Variants in FHIT observed in about 807,000 individuals in gnomAD.
The protein encoded by FHIT is fragile histidine triad diadenosine triphosphatase, also known as bis(5'-adenosyl)-triphosphatase.
Under a neutral mutation model 17.9 loss-of-function variants are expected in FHIT, and 19 were observed. The observed-to-expected ratio is 1.06, with a 90% confidence interval of 0.74 to 1.56. The LOEUF is 1.56. Ranked by LOEUF, FHIT falls within the 40% of genes most tolerant of loss-of-function variation. FHIT has a pLI of 0.00. For synonymous variants in FHIT, 81 were observed against 69.7 expected (o/e 1.16, Z -0.81); for missense variants, 248 against 189.2 (o/e 1.31, Z -1.82).
intron 4 of FHIT, among the ~76,000 whole-genome samples, chr3:60,608,145 G>A (rs1410304434): frequency 2.0e-5 from 3 of 152,080 alleles, no homozygotes; most frequent in African/African-American, 7.3e-5. Context: ...CTCACGCAGA[G>A]GACAAGACTC....
intron 5 of FHIT, among the ~76,000 whole-genome samples, chr3:60,535,558 G>T (rs1271903051): frequency 6.6e-6 from 1 of 150,452 alleles, no homozygotes; most frequent in East Asian, 2.0e-4. Flanking sequence ...TAAAAGTGCT[G>T]TTTTCTAGGG....
intron 5 of FHIT, among the ~76,000 whole-genome samples, chr3:60,190,994 A>T (rs1238442260): frequency 1.3e-5 from 2 of 152,184 alleles, no homozygotes; most frequent in African/African-American, 4.8e-5. Flanking sequence ...TGTGACTGGG[A>T]GGCCCTGGGA....
At chr3:60,658,877 C>T (rs2040176364) in intron 4 of FHIT, among the ~76,000 whole-genome samples, 1 of 151,530 alleles carries the variant, frequency 6.6e-6, no homozygotes. Flanking sequence ...ATTCAAGTTA[C>T]TATTAGTGTC....
chr3:60,029,905 G>GTGTGTC (rs1553655776), intron 5 of FHIT, among the ~76,000 whole-genome samples: 5 of 147,350 alleles, frequency 3.4e-5, no homozygotes, highest in African/African-American at 5.1e-5. Flanking sequence ...GTCTGTGTGT[G>GTGTGTC]TGTGTGTGTG....
At chr3:59,938,295 A>T (rs1706342272) in intron 7 of FHIT, among the ~76,000 whole-genome samples, 1 of 152,226 alleles carries the variant, frequency 6.6e-6, no homozygotes, top group African/African-American at 2.4e-5. Flanking sequence ...AATAAACCAG[A>T]CACAGAAAGA....
At chr3:61,243,698 T>C (rs1225794165) in intron 1 of FHIT, among the ~76,000 whole-genome samples, 1 of 152,158 alleles carries the variant, frequency 6.6e-6, no homozygotes, top group Non-Finnish European at 1.5e-5. Context: ...ACAGTTTTAA[T>C]GGGATTATAG....
intron 7 of FHIT, among the ~76,000 whole-genome samples, chr3:59,988,205 T>C (rs761417494): frequency 6.6e-6 from 1 of 152,092 alleles, no homozygotes. Flanking sequence ...CCTTCAGTGC[T>C]GAATATTCCA....
intron 5 of FHIT, among the ~76,000 whole-genome samples, chr3:60,353,105 T>G (rs1699490733): frequency 6.6e-6 from 1 of 152,180 alleles, no homozygotes. Flanking sequence ...CTAAAAAAAT[T>G]TCAAGGTGAT....
intron 5 of FHIT, among the ~76,000 whole-genome samples, chr3:60,368,120 C>G (rs12486822): frequency 0.091 from 13,617 of 150,108 alleles, 897 homozygotes; most frequent in East Asian, 0.26. Context: ...AGCAAAACTT[C>G]TGTGGATACA....
intron 4 of FHIT, among the ~76,000 whole-genome samples, chr3:60,595,195 G>A (rs1416016581): frequency 6.6e-6 from 1 of 152,048 alleles, no homozygotes; most frequent in Non-Finnish European, 1.5e-5. Context: ...AGATTTGGAT[G>A]CAAAGAGAAC....
chr3:60,160,973 T>G (rs1232386113), intron 5 of FHIT, among the ~76,000 whole-genome samples: 1 of 152,182 alleles, frequency 6.6e-6, no homozygotes, highest in Non-Finnish European at 1.5e-5. Flanking sequence ...AAGACGATTA[T>G]GCAATCCATA....
intron 5 of FHIT, among the ~76,000 whole-genome samples, chr3:60,362,014 G>A (rs558855442): frequency 7.9e-5 from 12 of 152,152 alleles, no homozygotes; most frequent in African/African-American, 2.9e-4. Context: ...ACCAAACTGT[G>A]CACACATCTT....
intron 5 of FHIT, among the ~76,000 whole-genome samples, chr3:60,041,477 G>A (rs1222158773): frequency 1.3e-5 from 2 of 152,184 alleles, no homozygotes; most frequent in African/African-American, 4.8e-5. Flanking sequence ...GCCTTTCGAA[G>A]AAATGCTAAG....
intron 3 of FHIT, among the ~76,000 whole-genome samples, chr3:61,023,980 A>C (rs1231034465): frequency 6.6e-6 from 1 of 152,200 alleles, no homozygotes; most frequent in African/African-American, 2.4e-5. Context: ...AATGGCAACA[A>C]AAGCCAAAAT....
intron 2 of FHIT, among the ~76,000 whole-genome samples, chr3:61,146,103 G>T (rs1342323925): frequency 6.6e-6 from 1 of 151,988 alleles, no homozygotes; most frequent in Non-Finnish European, 1.5e-5. Context: ...CAGGAAAGGA[G>T]AAAGCACGAC....
intron 4 of FHIT, among the ~76,000 whole-genome samples, chr3:60,640,589 C>G (rs2039702026): frequency 1.3e-5 from 2 of 151,408 alleles, no homozygotes; most frequent in Admixed American, 1.3e-4. Context: ...TGTCATACTT[C>G]AATAAGAAAA....
intron 5 of FHIT, among the ~76,000 whole-genome samples, chr3:60,287,369 A>G (rs1055340263): frequency 2.0e-5 from 3 of 151,920 alleles, no homozygotes; most frequent in African/African-American, 7.3e-5. Context: ...GGCTTTCACC[A>G]TGTTAGCCAG....
intron 3 of FHIT, among the ~76,000 whole-genome samples, chr3:61,022,021 C>T (rs2032464021): frequency 6.6e-6 from 1 of 151,950 alleles, no homozygotes; most frequent in African/African-American, 2.4e-5. Flanking sequence ...GAGATAGAGA[C>T]ACGAAAAACC....
At chr3:60,114,980 GCTAACTATT>G (rs1704889777) in intron 5 of FHIT, among the ~76,000 whole-genome samples, 1 of 151,956 alleles carries the variant, frequency 6.6e-6, no homozygotes, top group African/African-American at 2.4e-5. Flanking sequence ...ACAAACAATG[GCTAACTATT>G]TAAGGAAAAT....
Sources: allele counts gnomAD v4.1 joint callset (sites outside exome capture counted in the v4.1 genomes callset), GRCh38; gene constraint gnomAD v4.1.1; transcripts MANE v1.5; gene names NCBI Gene and HGNC (gene_info 2026-07-23, HGNC 2026-07-21).